Variants in DEGS2 observed in about 807,000 individuals in gnomAD.
DEGS2 encodes sphingolipid delta(4)-desaturase/C4-monooxygenase DES2.
In DEGS2, 19 loss-of-function variants were observed where a neutral mutation model predicts 23.8. That is an observed-to-expected ratio of 0.80 (90% CI 0.56 to 1.17). DEGS2 has a LOEUF of 1.17. Ranked by LOEUF, DEGS2 falls within the 50% of genes most tolerant of loss-of-function variation. The pLI is 0.00. For missense variants in DEGS2, 390 were observed against 459.5 expected, an observed-to-expected ratio of 0.85 and a Z score of 1.38; for synonymous variants, 218 against 213.7, an observed-to-expected ratio of 1.02 and a Z score of -0.18.
the DEGS2 span, among the ~76,000 whole-genome samples, chr14:100,166,235 A>AGAGCGGGGGGAGCCCGTCCGGGG: frequency 1.5e-4 from 2 of 13,636 alleles, no homozygotes; most frequent in African/African-American, 4.3e-4. Context: ...CCCATCCAGG[A>AGAGCGGGGGGAGCCCGTCCGGGG]GAGTGGGGGG....
intron 1 of DEGS2, among the ~76,000 whole-genome samples, chr14:100,154,351 G>A (rs572137648): frequency 2.8e-4 from 20 of 70,406 alleles, no homozygotes; most frequent in South Asian, 1.2e-3. Context: ...GCAACAAAGC[G>A]TCTCAAAAAA....
At chr14:100,165,438 T>A in the DEGS2 span, among the ~76,000 whole-genome samples, 1 of 152,244 alleles carries the variant, frequency 6.6e-6, no homozygotes, top group Admixed American at 6.5e-5. Flanking sequence ...TTGAGAACTG[T>A]GAGTGACAAA....
chr14:100,149,286 G>A lies in DEGS2; in HGVS notation c.507C>T (p.Phe169=), dbSNP rs140286118. The A allele has an allele frequency of 3.7e-6, 6 of 1,612,568 alleles. No homozygotes were observed. In the African/African-American group the frequency reaches 4.0e-5, roughly 11 times the overall value. Reference sequence around the variant, plus strand: ...GGACGCAGAGCGGCCGTAGTGAGTAGAAGAAGGGCTGCAGCACCAGCCAGA... The same window carrying A: ...GGACGCAGAGCGGCCGTAGTGAGTAAAAGAAGGGCTGCAGCACCAGCCAGA... ...KLLWLVLQPF[F]YSLRPLCVHP... is the part of the protein sequence containing the mutation. Residue 169 remains phenylalanine (F), a synonymous_variant, in exon 2 of 3, where the codon TTC becomes TTT. Coordinates refer to ENST00000305631, the MANE Select transcript of DEGS2 (RefSeq NM_206918.3).
intron 1 of DEGS2, among the ~76,000 whole-genome samples, chr14:100,153,769 A>T (rs1026311571): frequency 6.0e-4 from 91 of 152,202 alleles, no homozygotes; most frequent in African/African-American, 2.0e-3. Context: ...AGATACACAG[A>T]CCCACACAGA....
At chr14:100,150,289 G>T (rs771436330) in intron 1 of DEGS2, among the ~76,000 whole-genome samples, 1 of 152,086 alleles carries the variant, frequency 6.6e-6, no homozygotes, top group Non-Finnish European at 1.5e-5. Context: ...AGGCACCACT[G>T]CCCACTGCCT....
At chr14:100,154,512 AG>A (rs895886312) in intron 1 of DEGS2, among the ~76,000 whole-genome samples, 3 of 152,302 alleles carry the variant, frequency 2.0e-5, no homozygotes, top group African/African-American at 7.2e-5. Context: ...GAGCCCATGG[AG>A]GTGGGGTCTT....
At position 100,144,621 on chromosome 14, in the gene DEGS2, C is replaced by G. The variant is rs1248320706; in HGVS notation, c.*2140G>C. ...AAGGCAGCTTTGCCTTCTCCTCGGCCCCACAAAGTCTCCTGGGAGGACCAC... is the reference window on the plus strand; with the variant it reads ...AAGGCAGCTTTGCCTTCTCCTCGGCGCCACAAAGTCTCCTGGGAGGACCAC... On this transcript the variant is annotated 3_prime_UTR_variant, in exon 3 of 3. Transcript: ENST00000305631. 6.6e-6 allele frequency: 1 copy of G among 152,404 alleles called. No individual in the cohort carries two copies. The highest frequency in any genetic ancestry group is 1.5e-5 in the Non-Finnish European group (1 of 68,162). The allele number at this position is 152,404 out of a possible 1,614,324, so 9.4% of individuals were successfully genotyped here. A position where few individuals can be genotyped will look rare whatever the true frequency, so the allele number is the denominator to read the frequency against.
At chr14:100,157,854 G>A (rs1394849082) in intron 1 of DEGS2, among the ~76,000 whole-genome samples, 3 of 152,170 alleles carry the variant, frequency 2.0e-5, no homozygotes, top group African/African-American at 7.2e-5. Flanking sequence ...TTGGGAGGCA[G>A]AGGCGGGTGA....
intron 1 of DEGS2, among the ~76,000 whole-genome samples, chr14:100,153,920 CA>C (rs1175449917): frequency 6.6e-6 from 1 of 152,152 alleles, no homozygotes; most frequent in Admixed American, 6.5e-5. Context: ...AAGGGCCCAC[CA>C]AGGTGCAACA....
intron 1 of DEGS2, 129 bp from the exon 2 acceptor site, chr14:100,149,839 C>A: frequency 3.1e-6 from 3 of 976,690 alleles, no homozygotes; most frequent in Non-Finnish European, 4.5e-6. Flanking sequence ...GTCCCTTTGC[C>A]CCTGCACACA....
the DEGS2 span, among the ~76,000 whole-genome samples, chr14:100,166,091 C>T: frequency 8.2e-5 from 2 of 24,274 alleles, no homozygotes; most frequent in Non-Finnish European, 1.5e-4. Flanking sequence ...GGGGAGCCTG[C>T]CCGGGAGAGT....
chr14:100,152,888 G>A (rs1889596345), intron 1 of DEGS2, among the ~76,000 whole-genome samples: 1 of 149,878 alleles, frequency 6.7e-6, no homozygotes, highest in African/African-American at 2.5e-5. Flanking sequence ...TCGAATGGAT[G>A]GATGGATGGA....
chr14:100,159,644 G>C lies in DEGS2; in HGVS notation c.-57C>G, dbSNP rs1267042150. On this transcript the variant is annotated 5_prime_UTR_variant, in exon 1 of 3. Transcript: ENST00000305631. ...CCGGCTCGGCTCTGCTGCACCTGTC[G>C]CGGCGGCCGCGGCGCGGAACCAGCT... The C allele has an allele frequency of 8.2e-7, 1 of 1,225,038 alleles. No homozygotes were observed. Among genetic ancestry groups the C allele is most frequent in the Non-Finnish European group, 1.1e-6 (1 of 925,570 alleles). 75.9% of individuals were successfully genotyped at this position (1,225,038 alleles called of 1,614,324 possible). A position where few individuals can be genotyped will look rare whatever the true frequency, so the allele number is the denominator to read the frequency against.
rs757097012 is a variant in DEGS2 at position 100,149,073 on chromosome 14, G to A, written c.720C>T (p.His240=). Residue 240 remains histidine (H), a synonymous_variant, in exon 2 of 3, where the codon CAC becomes CAT. Transcript: ENST00000305631. ...GAGGCCCATAGTAGGAGTAGGTCTC[G>A]TGGCCCTTGAGGAACATGTAGTGCT... is the stretch of plus-strand genomic sequence containing the variant. ...VAEHYMFLKG[H]ETYSYYGPLN... The A allele has an allele frequency of 9.9e-6, 16 of 1,612,950 alleles. No homozygotes were observed. The highest frequency in any genetic ancestry group is 6.7e-5 in the Admixed American group (4 of 60,036).
upstream of DEGS2, among the ~76,000 whole-genome samples, chr14:100,161,675 A>G (rs979249130): frequency 6.6e-6 from 1 of 152,248 alleles, no homozygotes; most frequent in African/African-American, 2.4e-5. Flanking sequence ...CAAATGCACC[A>G]TATTATAAGA....
upstream of DEGS2, among the ~76,000 whole-genome samples, chr14:100,161,107 A>G (rs1296192316): frequency 6.6e-6 from 1 of 152,212 alleles, no homozygotes; most frequent in African/African-American, 2.4e-5. Context: ...AATTAACAGC[A>G]AGGCTGGGGC....
rs564044554 is a variant in DEGS2 at position 100,148,983 on chromosome 14, G to T, written c.810C>A (p.Gly270=). 11 of 1,612,248 alleles carry T rather than the reference G, an allele frequency of 6.8e-6. No individual in the cohort carries two copies. The East Asian group carries it at 1.3e-4, about 20-fold the overall frequency. ...VEHHDFPSIP[G]YNLPLVRKIA... The stretch of plus-strand genomic sequence containing the variant: ...AGCCACATACCAGCGGCAGGTTGTA[G>T]CCCGGGATGCTGGGGAAGTCGTGGT... The change falls in exon 2 of 3, where the codon GGC becomes GGA. Residue 270 remains glycine, a synonymous_variant. Transcript: ENST00000305631.
At chr14:100,159,884 C>T, upstream of DEGS2, 1 of 225,148 alleles carries the variant, frequency 4.4e-6, no homozygotes, top group Non-Finnish European at 8.6e-6. Flanking sequence ...TCCCTGGGTC[C>T]CTCGATGCGC....
At chr14:100,152,736 C>T (rs189270245) in intron 1 of DEGS2, among the ~76,000 whole-genome samples, 27 of 152,300 alleles carry the variant, frequency 1.8e-4, no homozygotes, top group Non-Finnish European at 2.4e-4. Context: ...CCGTCGAGTT[C>T]CCTGGTTCTG....
Sources: allele counts gnomAD v4.1 joint callset (sites outside exome capture counted in the v4.1 genomes callset), GRCh38; gene constraint gnomAD v4.1.1; transcripts MANE v1.5; gene names NCBI Gene and HGNC (gene_info 2026-07-23, HGNC 2026-07-21).